Variants in CCDC3 observed in about 807,000 individuals in gnomAD.
CCDC3 encodes the protein coiled-coil domain-containing protein 3.
A neutral mutation model predicts 21.4 loss-of-function variants in CCDC3; 24 were observed. That is an observed-to-expected ratio of 1.12 (90% CI 0.81 to 1.58). CCDC3 has a LOEUF of 1.58. Ranked by LOEUF, CCDC3 falls within the 40% of genes most tolerant of loss-of-function variation. The pLI, the probability that CCDC3 is intolerant of heterozygous loss-of-function variation, is 0.00. For missense variants in CCDC3, 425 were observed against 360.9 expected, an observed-to-expected ratio of 1.18 and a Z score of -1.44; for synonymous variants, 186 against 166.0, an observed-to-expected ratio of 1.12 and a Z score of -0.93.
chr10:12,923,502 G>A (rs1834486164), intron 2 of CCDC3, among the ~76,000 whole-genome samples: 1 of 151,912 alleles, frequency 6.6e-6, no homozygotes, highest in African/African-American at 2.4e-5. Context: ...CCAGTCCTGG[G>A]TCCCCTGACT....
intron 5 of CCDC3, among the ~76,000 whole-genome samples, chr10:13,014,985 CAG>C (rs201058045): frequency 0.66 from 99,615 of 151,668 alleles, 33,252 homozygotes; most frequent in East Asian, 0.73. Flanking sequence ...TGCCAACAAA[CAG>C]GGAGTGATTT....
At position 13,042,111 on chromosome 10, in the gene CCDC3, A is replaced by G. The variant is rs114015393; in HGVS notation, c.-2+7563T>C. 1.6e-3 allele frequency among the ~76,000 whole-genome samples: 243 copies of G among 152,356 alleles called. 1 individual carries two copies. Among genetic ancestry groups the G allele is most frequent in the African/African-American group, 5.7e-3 (237 of 41,594 alleles). Reference sequence around the variant, plus strand: ...GATGAAACATAGAGTTTGAAGACCAATAGCCTGGATCCAAATATTAACGAT... The same window carrying G: ...GATGAAACATAGAGTTTGAAGACCAGTAGCCTGGATCCAAATATTAACGAT... On this transcript the variant is annotated intron_variant, in intron 5 of 6. Coordinates refer to the CCDC3 transcript ENST00000378839.
intron 2 of CCDC3, among the ~76,000 whole-genome samples, chr10:12,900,228 C>T (rs1045257080): frequency 5.9e-5 from 9 of 152,108 alleles, no homozygotes; most frequent in African/African-American, 1.9e-4. Context: ...CGGATTAATA[C>T]AGTAATAAGG....
rs369090925 is a variant in CCDC3 at position 13,051,307 on chromosome 10, G to A, written c.-269-1366C>T. Reference sequence around the variant, plus strand: ...TGGTTCAGCATAAGCTAACACCCACGACCCTAGGCCCTGCAGGGGTGGTCA... The same window carrying A: ...TGGTTCAGCATAAGCTAACACCCACAACCCTAGGCCCTGCAGGGGTGGTCA... On this transcript the variant is annotated intron_variant, in intron 4 of 6. Coordinates refer to the CCDC3 transcript ENST00000378839. Among the ~76,000 whole-genome samples, 19 of 152,276 alleles carry A rather than the reference G, an allele frequency of 1.2e-4. No homozygotes were observed. In the South Asian group the frequency reaches 3.9e-3, roughly 32 times the overall value.
At chr10:13,090,034 GATATATATATATAT>G (rs66476163) in intron 3 of CCDC3, among the ~76,000 whole-genome samples, 2,640 of 129,122 alleles carry the variant, frequency 0.02, 109 homozygotes, top group Middle Eastern at 0.028. Flanking sequence ...TATTCCGTTA[GATATATATATATAT>G]ATATATATAT....
At chr10:12,951,577 G>A (rs758707773) in intron 2 of CCDC3, among the ~76,000 whole-genome samples, 8 of 152,054 alleles carry the variant, frequency 5.3e-5, no homozygotes, top group Non-Finnish European at 7.4e-5. Context: ...AGGCTGAGAC[G>A]GGTGGATCAC....
intron 2 of CCDC3, among the ~76,000 whole-genome samples, chr10:12,927,233 A>G (rs971291783): frequency 1.3e-5 from 2 of 152,200 alleles, no homozygotes; most frequent in African/African-American, 2.4e-5. Flanking sequence ...CTCTCATTTC[A>G]TCTATCTGCT....
At chr10:12,944,703 A>G (rs1834888973) in intron 2 of CCDC3, among the ~76,000 whole-genome samples, 1 of 152,216 alleles carries the variant, frequency 6.6e-6, no homozygotes. Context: ...TTAGAAATAT[A>G]ATACAGACTC....
In CCDC3 at chr10:12,998,410, C is replaced by G. The variant is rs761773232; in HGVS notation, c.477G>C (p.Gln159His). 1.7e-5 allele frequency: 28 copies of G among 1,614,068 alleles called. No homozygotes were observed. Among genetic ancestry groups the G allele is most frequent in the African/African-American group, 2.7e-5 (2 of 74,910 alleles). Residue 159 changes from glutamine (Q) to histidine (H), a missense_variant, in exon 2 of 3, where the codon CAG becomes CAC. Gln to His is a conservative substitution (Grantham distance 24). Transcript: ENST00000378825. ...ENRRMFSSLF[Q>H]FSNCSQGQQL... ...GCTGCCCTTGCGAACAGTTTGAAAACTGGAAAAGGCTAGAAAACATCCTTC... is the reference window on the plus strand; with the variant it reads ...GCTGCCCTTGCGAACAGTTTGAAAAGTGGAAAAGGCTAGAAAACATCCTTC...
intron 5 of CCDC3, among the ~76,000 whole-genome samples, chr10:13,028,567 G>A (rs1170298830): frequency 6.6e-6 from 1 of 151,896 alleles, no homozygotes; most frequent in Admixed American, 6.6e-5. Flanking sequence ...ATCTCATAGA[G>A]CACCCACAGA....
In CCDC3 at chr10:12,998,387, T is replaced by C; in HGVS notation, c.500A>G (p.Gln167Arg). ...LFQFSNCSQG[Q>R]QLATFSSDWE... ...GTCACTGGAGAAAGTCGCCAGCTGCTGCCCTTGCGAACAGTTTGAAAACTG... is the reference window on the plus strand; with the variant it reads ...GTCACTGGAGAAAGTCGCCAGCTGCCGCCCTTGCGAACAGTTTGAAAACTG... The change falls in exon 2 of 3, where the codon CAG becomes CGG. Residue 167 changes from glutamine (Q) to arginine (R), a missense_variant. Physicochemically the swap from Gln to Arg is conservative, Grantham distance 43. Coordinates refer to ENST00000378825, the MANE Select transcript of CCDC3 (RefSeq NM_031455.4). 6.2e-7 allele frequency: 1 copy of C among 1,614,194 alleles called. No homozygotes were observed. The highest frequency in any genetic ancestry group is 1.1e-5 in the South Asian group (1 of 91,074).
upstream of CCDC3, among the ~76,000 whole-genome samples, chr10:13,002,970 T>A (rs992977843): frequency 1.3e-5 from 2 of 152,222 alleles, no homozygotes; most frequent in Non-Finnish European, 2.9e-5. Context: ...TATGGGGTTA[T>A]CACCCCACCC....
At chr10:13,016,344 A>C (rs1191475498) in intron 5 of CCDC3, among the ~76,000 whole-genome samples, 2 of 151,846 alleles carry the variant, frequency 1.3e-5, no homozygotes, top group Admixed American at 6.6e-5. Context: ...GAAAAAAAAA[A>C]AAAAAAAACA....
intron 2 of CCDC3, among the ~76,000 whole-genome samples, chr10:12,910,263 G>C (rs1455648314): frequency 1.3e-5 from 2 of 152,182 alleles, no homozygotes; most frequent in African/African-American, 2.4e-5. Flanking sequence ...CTTCAAATGT[G>C]GTTGTGCCGC....
intron 2 of CCDC3, among the ~76,000 whole-genome samples, chr10:12,909,004 A>G (rs955797989): frequency 6.6e-6 from 1 of 152,190 alleles, no homozygotes; most frequent in Admixed American, 6.5e-5. Context: ...CAGAAAATCC[A>G]CATCACAGTG....
chr10:12,984,339 T>C (rs1056786983), intron 2 of CCDC3, among the ~76,000 whole-genome samples: 2 of 152,148 alleles, frequency 1.3e-5, no homozygotes, highest in Non-Finnish European at 2.9e-5. Flanking sequence ...GAAATGCCTA[T>C]CAAAACCACA....
At chr10:12,915,133 G>C (rs564503565) in intron 2 of CCDC3, among the ~76,000 whole-genome samples, 2 of 151,796 alleles carry the variant, frequency 1.3e-5, no homozygotes, top group African/African-American at 4.8e-5. Context: ...CACATATTTG[G>C]GAATTTCCCA....
intron 4 of CCDC3, among the ~76,000 whole-genome samples, chr10:13,051,022 C>T (rs1005339830): frequency 2.1e-4 from 32 of 152,152 alleles, no homozygotes; most frequent in African/African-American, 7.5e-4. Flanking sequence ...AACTCCTGGT[C>T]TCAAGCCATC....
rs71477255 is a variant in CCDC3 at position 13,041,504 on chromosome 10, A to ATTTTTTTTTTTTTTT, written c.-2+8155_-2+8169dup. Among the ~76,000 whole-genome samples, 2 of 62,112 alleles carry ATTTTTTTTTTTTTTT rather than the reference A, an allele frequency of 3.2e-5. 1 individual carries two copies. The highest frequency in any genetic ancestry group is 1.6e-4 in the African/African-American group (2 of 12,290). The allele number at this position is 62,112 out of a possible 152,430, so 40.7% of individuals were successfully genotyped here. On this transcript the variant is annotated intron_variant, in intron 5 of 6. Coordinates refer to the CCDC3 transcript ENST00000378839. ...GTTCACTCCAAGTGTCTGGCAGATA[A>ATTTTTTTTTTTTTTT]TTTTTTTTTTTTTTTTTTTTTTTTT...
Sources: allele counts gnomAD v4.1 joint callset (sites outside exome capture counted in the v4.1 genomes callset), GRCh38; gene constraint gnomAD v4.1.1; transcripts MANE v1.5; gene names NCBI Gene and HGNC (gene_info 2026-07-23, HGNC 2026-07-21).